Variants in DOT1L observed in about 807,000 individuals in gnomAD.
The protein encoded by DOT1L is DOT1 like histone lysine methyltransferase.
DOT1L carries 33 observed loss-of-function variants against 153.3 expected under a neutral mutation model. The observed-to-expected ratio is 0.22, with a 90% CI of 0.16 to 0.29. The LOEUF (loss-of-function observed/expected upper bound fraction) is 0.29, where lower values mean the gene tolerates loss of function less well. DOT1L is among the 10% of genes least tolerant of loss of function. DOT1L has a pLI of 1.00. For missense variants in DOT1L, 1,847 were observed against 2,119.9 expected (o/e 0.87, Z 2.53); for synonymous variants, 1,135 against 965.1 (o/e 1.18, Z -3.26).
chr19:2,228,280 C>T, intron 27 of DOT1L: 1 of 1,357,044 alleles, frequency 7.4e-7, no homozygotes, highest in Non-Finnish European at 9.8e-7. Context: ...GGGCCGTCCG[C>T]GGTGTGGGTG....
At position 2,190,856 on chromosome 19, in the gene DOT1L, G is replaced by A. The variant is rs138695259; in HGVS notation, c.265-156G>A. On this transcript the variant is annotated intron_variant, in intron 4 of 27. Coordinates refer to ENST00000398665, the MANE Select transcript of DOT1L (RefSeq NM_032482.3). The surrounding 1 kb of genome is among the most constrained non-coding windows in gnomAD (Gnocchi z 4.8). ...TGCTTGTAGGAAATGGGGCTGGGTT[G>A]GAAACTGACCTGGGAGCCCGGCAGC... Among the ~76,000 whole-genome samples the A allele has an allele frequency of 2.0e-5, 3 of 152,064 alleles. No homozygotes were observed. In the East Asian group the frequency reaches 5.8e-4, roughly 30 times the overall value.
intron 7 of DOT1L, 139 bp from the exon 8 acceptor site, chr19:2,199,745 C>A: frequency 8.7e-7 from 1 of 1,144,492 alleles, no homozygotes; most frequent in South Asian, 1.5e-5. Flanking sequence ...AGGGCTGCAG[C>A]CGGTGGGGCC....
chr19:2,182,072 C>T (rs974486511), intron 2 of DOT1L, among the ~76,000 whole-genome samples: 23 of 152,014 alleles, frequency 1.5e-4, no homozygotes, highest in African/African-American at 4.3e-4. Context: ...AAAAAAAACA[C>T]AAAAATTAGC....
chr19:2,203,706 A>G (rs948607425), intron 9 of DOT1L, among the ~76,000 whole-genome samples: 1 of 152,152 alleles, frequency 6.6e-6, no homozygotes, highest in Non-Finnish European at 1.5e-5. Context: ...TGGACTGCCC[A>G]TTCCCTAAAC....
chr19:2,178,779 A>T (rs143723854), intron 1 of DOT1L, among the ~76,000 whole-genome samples: 7 of 152,060 alleles, frequency 4.6e-5, no homozygotes, highest in Non-Finnish European at 5.9e-5. Flanking sequence ...GTTAGCCAGG[A>T]TGGTCTCTAT....
At chr19:2,192,107 C>T (rs1431686959) in intron 5 of DOT1L, among the ~76,000 whole-genome samples, 1 of 152,230 alleles carries the variant, frequency 6.6e-6, no homozygotes, top group Non-Finnish European at 1.5e-5. Context: ...ACATGTGAAC[C>T]TTGTGCCTGC....
At chr19:2,169,448 A>G (rs1449165093) in intron 1 of DOT1L, among the ~76,000 whole-genome samples, 1 of 152,070 alleles carries the variant, frequency 6.6e-6, no homozygotes, top group East Asian at 1.9e-4. Flanking sequence ...GGGGCGGGGA[A>G]TTGTCCAGAA....
At position 2,213,526 on chromosome 19, in the gene DOT1L, GT is replaced by G. The variant is rs2023785728; in HGVS notation, c.1558-10del. ...GCCCTGGCCCTTAGTCACCTGCCCT[GT>G]TTGTCCTACAGGAGAAGAACGCCCA... On this transcript the variant is annotated splice_polypyrimidine_tract_variant and intron_variant, in intron 16 of 27. Coordinates refer to ENST00000398665, the MANE Select transcript of DOT1L (RefSeq NM_032482.3). 6.2e-7 allele frequency: 1 copy of G among 1,611,868 alleles called. No individual in the cohort carries two copies. Among genetic ancestry groups the G allele is most frequent in the East Asian group, 2.2e-5 (1 of 44,880 alleles).
In DOT1L at chr19:2,231,844, C is replaced by G. The variant is rs1471870575; in HGVS notation, c.*2052C>G. ...ATCACGGGTCCTGCAGATGGCCATG[C>G]AGGGCTCCTGCCCACGCAGGCCACC... On this transcript the variant is annotated 3_prime_UTR_variant, in exon 28 of 28. Transcript: ENST00000398665. 4.6e-6 allele frequency: 1 copy of G among 219,578 alleles called. No homozygotes were observed. Among genetic ancestry groups the G allele is most frequent in the Non-Finnish European group, 9.1e-6 (1 of 109,524 alleles). The allele number at this position is 219,578 out of a possible 1,614,324, so 13.6% of individuals were successfully genotyped here.
Position 2,210,821 on chromosome 19 carries a change from G to A in DOT1L, c.1317G>A (p.Gln439=), listed in dbSNP as rs2144833539. 6.2e-7 allele frequency: 1 copy of A among 1,612,792 alleles called. No homozygotes were observed. The change falls in exon 14 of 28, where the codon CAG becomes CAA. Residue 439 remains glutamine (Q), a synonymous_variant. Transcript: ENST00000398665. ...CTGCACTGGATGCCCTGCACGCTCA[G>A]ACCGTGTCTCAGACGGCGGCCTCCT... The part of the protein sequence containing the change: ...NQTALDALHA[Q]TVSQTAASSP...
chr19:2,221,701 G>A, intron 23 of DOT1L: 2 of 478,220 alleles, frequency 4.2e-6, no homozygotes, highest in East Asian at 6.3e-5. Flanking sequence ...GCCCGCACCA[G>A]GAGGCTTCTT....
Position 2,226,767 on chromosome 19 carries a change from C to G in DOT1L, c.4246C>G (p.Arg1416Gly). 6.4e-7 allele frequency: 1 copy of G among 1,567,968 alleles called. No individual in the cohort carries two copies. The highest frequency in any genetic ancestry group is 1.2e-5 in the South Asian group (1 of 85,014). ...CGGCAAGGCCGCCAAGGCCCGGGACCGCGAGGTCGACCTCAAGAATGGCCA... is the reference window on the plus strand; with the variant it reads ...CGGCAAGGCCGCCAAGGCCCGGGACGGCGAGGTCGACCTCAAGAATGGCCA... ...LSGKAAKARD[R>G]EVDLKNGHNL... The change falls in exon 27 of 28, where the codon CGC (arginine) becomes GGC (glycine). Residue 1416 changes from arginine to glycine, a missense_variant. Physicochemically the swap from Arg to Gly is moderately radical, Grantham distance 125. This residue lies in a region of DOT1L where 934 missense variants were observed against 825.3 expected (regional missense o/e 1.13). Coordinates refer to ENST00000398665, the MANE Select transcript of DOT1L (RefSeq NM_032482.3).
chr19:2,202,870 G>C (rs2023344655), intron 9 of DOT1L, 91 bp downstream of exon 9: 7 of 1,345,972 alleles, frequency 5.2e-6, no homozygotes, highest in Non-Finnish European at 7.4e-6. Context: ...GCAGAAGGCA[G>C]CTCAGACTTG....
rs868699423 is a variant in DOT1L at position 2,207,804 on chromosome 19, C to T, written c.963+124C>T. The T allele has an allele frequency of 1.5e-5, 13 of 891,396 alleles. No homozygotes were observed. Among genetic ancestry groups the T allele is most frequent in the South Asian group, 1.2e-4 (7 of 58,304 alleles). The allele number at this position is 891,396 out of a possible 1,614,324, so 55.2% of individuals were successfully genotyped here. A position where few individuals can be genotyped will look rare whatever the true frequency, so the allele number is the denominator to read the frequency against. ...TCCCCTCAGAGCCCTCAACGCCCCC[C>T]GGCCCCTGAGCTCAGGCCCAGCTCC... On this transcript the variant is annotated intron_variant, in intron 11 of 27. Coordinates refer to ENST00000398665, the MANE Select transcript of DOT1L (RefSeq NM_032482.3). This position sits in a 1 kb window ranked among gnomAD's most constrained non-coding sequence, Gnocchi z 4.5.
At chr19:2,218,062 C>G (rs1397856992) in intron 22 of DOT1L, 144 bp downstream of exon 22, 1 of 1,234,086 alleles carries the variant, frequency 8.1e-7, no homozygotes, top group African/African-American at 1.5e-5. Flanking sequence ...CTGTCCAAAG[C>G]CGGGGCGTGT....
intron 3 of DOT1L, among the ~76,000 whole-genome samples, chr19:2,189,322 G>C (rs991747600): frequency 6.6e-6 from 1 of 152,164 alleles, no homozygotes; most frequent in Non-Finnish European, 1.5e-5. Context: ...TGCCTCTGGC[G>C]ATGGTGGCTG....
Position 2,226,286 on chromosome 19 carries a change from G to C in DOT1L, c.3765G>C (p.Lys1255Asn). 7 of 1,598,936 alleles carry C rather than the reference G, an allele frequency of 4.4e-6. No individual in the cohort carries two copies. The highest frequency in any genetic ancestry group is 5.1e-6 in the Non-Finnish European group (6 of 1,172,810). Residue 1255 changes from lysine to asparagine, a missense_variant, in exon 27 of 28, where the codon AAG becomes AAC. Coordinates refer to ENST00000398665, the MANE Select transcript of DOT1L (RefSeq NM_032482.3). ...CCATCTCCGACATCGGCCTGGCCAA[G>C]TCGGCGGACAGCCCGCTGCAGGCCA... ...FSPISDIGLA[K>N]SADSPLQASS... is the part of the protein sequence containing the mutation.
At chr19:2,169,028 T>C (rs982655880) in intron 1 of DOT1L, among the ~76,000 whole-genome samples, 1 of 152,224 alleles carries the variant, frequency 6.6e-6, no homozygotes, top group Non-Finnish European at 1.5e-5. Context: ...GAACGGGACC[T>C]TCCCCCTGGT....
chr19:2,216,661 A>C lies in DOT1L; in HGVS notation c.2304A>C (p.Ala768=). Residue 768 remains alanine (A), a synonymous_variant, in exon 20 of 28, where the codon GCA becomes GCC. Coordinates refer to ENST00000398665, the MANE Select transcript of DOT1L (RefSeq NM_032482.3). ...PRLEKLSGLA[A]PDYTRLSPAK... ...TGGAGAAGCTGTCTGGCCTAGCCGC[A>C]CCCGACTACACTAGGCTGTCCCCGG... 1.2e-6 allele frequency: 2 copies of C among 1,604,392 alleles called. No individual in the cohort carries two copies. The highest frequency in any genetic ancestry group is 8.5e-7 in the Non-Finnish European group (1 of 1,179,882).
Sources: gnomAD v4.1 joint callset for allele counts (sites outside exome capture counted in the v4.1 genomes callset) on GRCh38, gnomAD v4.1.1 for gene constraint, gnomAD v4.1.1 regional missense constraint, Gnocchi (gnomAD v3.1) non-coding constraint, MANE v1.5 for transcripts, NCBI Gene and HGNC (gene_info 2026-07-23, HGNC 2026-07-21) for gene names.